The following SH3YL1 variants were observed in gnomAD, a reference collection of about 807,000 sequenced individuals.
SH3YL1 encodes the protein SH3 domain-containing YSC84-like protein 1.
Under a neutral mutation model 45.8 loss-of-function variants are expected in SH3YL1, and 41 were observed. The ratio of observed to expected loss-of-function variants is 0.89; its 90% CI spans 0.70 to 1.16. The LOEUF is 1.16. Among genes scored for constraint, SH3YL1 ranks in the 50% most tolerant of loss-of-function variants. The pLI is 0.00. For synonymous variants in SH3YL1, 152 were observed against 151.4 expected (o/e 1.00, Z -0.03); for missense variants, 389 against 409.6 (o/e 0.95, Z 0.43).
chr2:237,669 T>C (rs558041519), intron 4 of SH3YL1, among the ~76,000 whole-genome samples: 1 of 152,264 alleles, frequency 6.6e-6, no homozygotes, highest in African/African-American at 2.4e-5. Flanking sequence ...TATTTCAAAA[T>C]AGCTAGAAGA....
intron 1 of SH3YL1, among the ~76,000 whole-genome samples, 184 bp from the exon 2 acceptor site, chr2:253,299 C>T (rs766382576): frequency 2.0e-5 from 3 of 152,150 alleles, no homozygotes; most frequent in Non-Finnish European, 4.4e-5. Flanking sequence ...GAAGGTTAGG[C>T]ATTCCAAGTC....
chr2:246,714 T>C (rs1414480643), intron 4 of SH3YL1, among the ~76,000 whole-genome samples: 1 of 152,170 alleles, frequency 6.6e-6, no homozygotes, highest in African/African-American at 2.4e-5. Context: ...TGGTTGCACA[T>C]GGTACAAAAA....
chr2:225,049 C>A lies in SH3YL1; in HGVS notation c.782-129G>T, dbSNP rs1005712848. The A allele has an allele frequency of 3.3e-5, 24 of 719,324 alleles. No homozygotes were observed. In the African/African-American group the frequency reaches 3.7e-4, roughly 11 times the overall value. 44.6% of individuals were successfully genotyped at this position (719,324 alleles called of 1,614,324 possible). A position where few individuals can be genotyped will look rare whatever the true frequency, so the allele number is the denominator to read the frequency against. ...ATCACTAAGTTGATAGGATCATCAT[C>A]ATTTGATTGCGCTTTAAATCACAAG... On this transcript the variant is annotated intron_variant, in intron 8 of 9. Transcript: ENST00000356150.
At position 224,925 on chromosome 2, in the gene SH3YL1, CA is replaced by C. The variant is rs774087570; in HGVS notation, c.782-6del. 6 of 1,606,596 alleles carry C rather than the reference CA, an allele frequency of 3.7e-6. No individual in the cohort carries two copies. The highest frequency in any genetic ancestry group is 1.3e-5 in the African/African-American group (1 of 74,564). ...GCTTATATTCATTTCTGTTACCTGC[CA>C]AAAAAGAGGAGAGTGGTGATTTTGA... On this transcript the variant is annotated splice_region_variant and splice_polypyrimidine_tract_variant and intron_variant, in intron 8 of 9. Coordinates refer to ENST00000356150, the MANE Select transcript of SH3YL1 (RefSeq NM_015677.4).
intron 8 of SH3YL1, among the ~76,000 whole-genome samples, chr2:229,556 C>T (rs1389844639): frequency 6.6e-6 from 1 of 151,390 alleles, no homozygotes; most frequent in African/African-American, 2.4e-5. Context: ...GGTGAAACCC[C>T]GTCTCTACTA....
chr2:218,883 A>G lies in SH3YL1; in HGVS notation c.957T>C (p.His319=). 1.2e-6 allele frequency: 2 copies of G among 1,614,116 alleles called. No individual in the cohort carries two copies. The highest frequency in any genetic ancestry group is 2.2e-5 in the South Asian group (2 of 91,070). Residue 319 remains histidine, a synonymous_variant, in exon 10 of 10, where the codon CAT becomes CAC. Transcript: ENST00000356150. ...GAAGTTTTCCTTCCCACCAATCAAA[A>G]TGTGAATCTGTTTTTGATATAACTG... ...RITVISKTDS[H]FDWWEGKLRG...
At chr2:242,822 G>T in intron 4 of SH3YL1, 3 of 1,533,682 alleles carry the variant, frequency 2.0e-6, no homozygotes, top group Non-Finnish European at 2.6e-6. Context: ...TAAAAGGATG[G>T]AGAAAGATGT....
At chr2:227,049 T>C (rs1280468978) in intron 8 of SH3YL1, among the ~76,000 whole-genome samples, 1 of 151,620 alleles carries the variant, frequency 6.6e-6, no homozygotes, top group Non-Finnish European at 1.5e-5. Context: ...ATGTGCATGG[T>C]AGGAAATGCC....
At chr2:263,703 T>C (rs1669706059) in intron 1 of SH3YL1, 3 of 411,802 alleles carry the variant, frequency 7.3e-6, no homozygotes, top group Middle Eastern at 5.9e-4. Context: ...GCCGTTCAAA[T>C]ATCAGGAAGT....
At chr2:251,235 TTAAG>T (rs1310118952) in intron 2 of SH3YL1, among the ~76,000 whole-genome samples, 1 of 152,256 alleles carries the variant, frequency 6.6e-6, no homozygotes, top group Non-Finnish European at 1.5e-5. Context: ...AATTGCTAAA[TTAAG>T]TTTCACCTAC....
At chr2:255,333 T>A (rs1572178958) in intron 1 of SH3YL1, among the ~76,000 whole-genome samples, 1 of 152,302 alleles carries the variant, frequency 6.6e-6, no homozygotes, top group East Asian at 1.9e-4. Context: ...GAAAACTGGC[T>A]GGGTACTCCC....
intron 4 of SH3YL1, among the ~76,000 whole-genome samples, chr2:246,607 G>A (rs932378760): frequency 1.1e-4 from 17 of 151,714 alleles, no homozygotes; most frequent in African/African-American, 2.4e-4. Context: ...GGGGAAGAGA[G>A]GGGAGGGAGG....
intron 4 of SH3YL1, among the ~76,000 whole-genome samples, chr2:238,258 CTT>C (rs1491490168): frequency 3.3e-5 from 4 of 122,456 alleles, no homozygotes; most frequent in African/African-American, 9.4e-5. Flanking sequence ...TTCCTCCCTC[CTT>C]GTGTGTGTGT....
At chr2:242,631 A>G (rs1436017344) in intron 4 of SH3YL1, among the ~76,000 whole-genome samples, 1 of 152,160 alleles carries the variant, frequency 6.6e-6, no homozygotes, top group Non-Finnish European at 1.5e-5. Flanking sequence ...AAAAAGTAAA[A>G]TGGCTGATAT....
At chr2:231,834 A>G (rs566134319) in intron 6 of SH3YL1, among the ~76,000 whole-genome samples, 2 of 152,220 alleles carry the variant, frequency 1.3e-5, no homozygotes, top group African/African-American at 4.8e-5. Flanking sequence ...TGATTTTATA[A>G]GATGAATAGT....
intron 1 of SH3YL1, chr2:262,824 C>A: frequency 2.8e-6 from 2 of 713,750 alleles, no homozygotes; most frequent in Non-Finnish European, 3.9e-6. Flanking sequence ...TTTTGATGAG[C>A]AAACATTATT....
rs1374572438 is a variant in SH3YL1 at position 234,289 on chromosome 2, C to G, written c.292-17G>C. The G allele has an allele frequency of 1.1e-5, 17 of 1,585,712 alleles. No individual in the cohort carries two copies. Among genetic ancestry groups the G allele is most frequent in the Non-Finnish European group, 1.4e-5 (16 of 1,160,492 alleles). ...GTCTGATACCTAAAGTGTAGAAACC[C>G]ATGGATTTAAAAATCGTTAAGACTA... On this transcript the variant is annotated splice_polypyrimidine_tract_variant and intron_variant, in intron 4 of 9. Transcript: ENST00000356150.
At chr2:231,333 T>G (rs1558237078) in intron 6 of SH3YL1, 142 bp from the exon 7 acceptor site, 14 of 664,720 alleles carry the variant, frequency 2.1e-5, no homozygotes, top group Non-Finnish European at 3.5e-5. Context: ...AAACACTAAC[T>G]TTAAGCAATA....
intron 6 of SH3YL1, among the ~76,000 whole-genome samples, chr2:232,151 C>A (rs1427475887): frequency 6.6e-6 from 1 of 152,118 alleles, no homozygotes; most frequent in Non-Finnish European, 1.5e-5. Flanking sequence ...TTTGTAAGAG[C>A]CACTTAATTT....
Sources: gnomAD v4.1 joint callset for allele counts (sites outside exome capture counted in the v4.1 genomes callset) on GRCh38, gnomAD v4.1.1 for gene constraint, MANE v1.5 for transcripts, NCBI Gene and HGNC (gene_info 2026-07-23, HGNC 2026-07-21) for gene names.